The following ZFPM2 variants were observed in gnomAD, a reference collection of about 807,000 sequenced individuals.
ZFPM2 encodes the protein zinc finger protein, FOG family member 2.
Under a neutral mutation model 98.6 loss-of-function variants are expected in ZFPM2, and 20 were observed. The ratio of observed to expected loss-of-function variants is 0.20; its 90% CI spans 0.14 to 0.29. The LOEUF is 0.29. Among genes scored for constraint, ZFPM2 ranks in the 10% least tolerant of loss-of-function variants. The pLI, the probability that ZFPM2 is intolerant of heterozygous loss-of-function variation, is 1.00. For missense variants in ZFPM2, 1,310 were observed against 1,388.6 expected (o/e 0.94, Z 0.90); for synonymous variants, 518 against 502.7 (o/e 1.03, Z -0.41).
intron 5 of ZFPM2, among the ~76,000 whole-genome samples, chr8:105,682,780 C>A (rs1157269011): frequency 6.6e-6 from 1 of 152,046 alleles, no homozygotes; most frequent in East Asian, 1.9e-4. Flanking sequence ...AGCATCTAGC[C>A]AGTCTCCATC....
intron 1 of ZFPM2, among the ~76,000 whole-genome samples, chr8:105,370,673 C>A (rs1810603545): frequency 6.6e-6 from 1 of 152,306 alleles, no homozygotes; most frequent in East Asian, 1.9e-4. Flanking sequence ...CACAGCTCCT[C>A]TTTTGATAAA....
At chr8:105,610,689 G>A (rs1253251851) in intron 4 of ZFPM2, among the ~76,000 whole-genome samples, 3 of 152,058 alleles carry the variant, frequency 2.0e-5, no homozygotes, top group African/African-American at 7.2e-5. Context: ...ATTTTCAGAA[G>A]TGTCCAAAAG....
chr8:105,377,581 G>T (rs1810752461), intron 1 of ZFPM2, among the ~76,000 whole-genome samples: 1 of 91,812 alleles, frequency 1.1e-5, no homozygotes, highest in Admixed American at 1.7e-4. Flanking sequence ...GGCCAACATA[G>T]CAAAACCCCG....
At chr8:105,779,155 T>G (rs1316889154) in intron 5 of ZFPM2, among the ~76,000 whole-genome samples, 1 of 152,176 alleles carries the variant, frequency 6.6e-6, no homozygotes, top group Non-Finnish European at 1.5e-5. Flanking sequence ...TGCGGTTTGT[T>G]TGCTTGTTTG....
chr8:105,747,803 C>T (rs1812382269), intron 5 of ZFPM2, among the ~76,000 whole-genome samples: 1 of 152,052 alleles, frequency 6.6e-6, no homozygotes, highest in African/African-American at 2.4e-5. Flanking sequence ...ATCCTTAAAC[C>T]TCTCACATGA....
At chr8:105,413,547 A>G (rs11989056) in intron 1 of ZFPM2, among the ~76,000 whole-genome samples, 49,931 of 148,860 alleles carry the variant, frequency 0.34, 10,380 homozygotes, top group African/African-American at 0.59. Flanking sequence ...TCGTGTTTAA[A>G]TATATATGTA....
chr8:105,534,286 CCCT>C (rs1342329809), intron 3 of ZFPM2, among the ~76,000 whole-genome samples: 5 of 93,490 alleles, frequency 5.3e-5, no homozygotes, highest in African/African-American at 2.3e-4. Context: ...TTCCCTCCCT[CCCT>C]CCTTTCTTCC....
chr8:105,416,450 T>C (rs1425566372), intron 1 of ZFPM2, among the ~76,000 whole-genome samples: 1 of 151,682 alleles, frequency 6.6e-6, no homozygotes, highest in Non-Finnish European at 1.5e-5. Context: ...AATTAAACAT[T>C]GTATAATATG....
Position 105,804,187 on chromosome 8 carries a change from A to G in ZFPM2, c.*649A>G, listed in dbSNP as rs953931240. On this transcript the variant is annotated 3_prime_UTR_variant, in exon 8 of 8. Transcript: ENST00000407775. ...ATGAAGATGGCAATTTTTTTCTTGT[A>G]TAGTACTTGTATTTTCTTTCGCTGA... is the stretch of plus-strand genomic sequence containing the variant. The G allele has an allele frequency of 6.6e-6, 1 of 152,504 alleles. No homozygotes were observed. The highest frequency in any genetic ancestry group is 6.6e-5 in the Admixed American group (1 of 15,262). The allele number at this position is 152,504 out of a possible 1,614,324, so 9.4% of individuals were successfully genotyped here. A position where few individuals can be genotyped will look rare whatever the true frequency, so the allele number is the denominator to read the frequency against.
At chr8:105,578,564 A>AATTC (rs1208561549) in intron 4 of ZFPM2, among the ~76,000 whole-genome samples, 1 of 152,118 alleles carries the variant, frequency 6.6e-6, no homozygotes, top group African/African-American at 2.4e-5. Context: ...AAATCTACAT[A>AATTC]ATTCATGTTG....
chr8:105,379,753 C>CAA (rs5893740), intron 1 of ZFPM2, among the ~76,000 whole-genome samples: 11 of 125,696 alleles, frequency 8.8e-5, no homozygotes, highest in South Asian at 5.1e-4. Context: ...AACTCTGTCT[C>CAA]AAAAAAAAAA....
chr8:105,731,406 A>G (rs890159783), intron 5 of ZFPM2, among the ~76,000 whole-genome samples: 2 of 151,776 alleles, frequency 1.3e-5, no homozygotes, highest in South Asian at 2.1e-4. Flanking sequence ...GAAGCATGCT[A>G]TAATATCTGT....
intron 1 of ZFPM2, among the ~76,000 whole-genome samples, chr8:105,357,856 G>A (rs1179354827): frequency 2.6e-5 from 4 of 152,054 alleles, no homozygotes; most frequent in African/African-American, 9.7e-5. Context: ...CCTGTTACTG[G>A]GTTCATCAGA....
rs138003714 is a variant in ZFPM2 at position 105,422,361 on chromosome 8, C to G, written c.199+3059C>G. ...CTGAGGCAGACAGAATTGCTTGAAC[C>G]CGGGAGGTGGTGGAGGTTACAGACA... On this transcript the variant is annotated intron_variant, in intron 2 of 7. Coordinates refer to ENST00000407775, the MANE Select transcript of ZFPM2 (RefSeq NM_012082.4). Among the ~76,000 whole-genome samples, 29 of 152,134 alleles carry G rather than the reference C, an allele frequency of 1.9e-4. No homozygotes were observed. In the East Asian group the frequency reaches 5.4e-3, roughly 28 times the overall value.
intron 5 of ZFPM2, among the ~76,000 whole-genome samples, chr8:105,705,788 A>C (rs1255272813): frequency 6.6e-6 from 1 of 152,180 alleles, no homozygotes; most frequent in South Asian, 2.1e-4. Flanking sequence ...GTGAAGGAAT[A>C]GAAGAAGCGT....
intron 4 of ZFPM2, among the ~76,000 whole-genome samples, chr8:105,564,393 AAATAT>A (rs1273980190): frequency 6.6e-6 from 1 of 152,042 alleles, no homozygotes; most frequent in Non-Finnish European, 1.5e-5. Flanking sequence ...TGCCTCACTA[AAATAT>A]ATTTTCAAAT....
intron 5 of ZFPM2, among the ~76,000 whole-genome samples, chr8:105,664,437 C>T (rs1254773900): frequency 5.9e-5 from 9 of 151,750 alleles, no homozygotes; most frequent in Non-Finnish European, 7.4e-5. Flanking sequence ...CGGGTTCAAG[C>T]GATTCTCCTG....
At chr8:105,332,933 ACTTT>A (rs957348834) in intron 1 of ZFPM2, among the ~76,000 whole-genome samples, 2 of 151,728 alleles carry the variant, frequency 1.3e-5, no homozygotes, top group African/African-American at 4.8e-5. Context: ...TTGGGGCCAA[ACTTT>A]TAAAGGGCTT....
intron 5 of ZFPM2, among the ~76,000 whole-genome samples, chr8:105,720,694 T>C (rs1417819354): frequency 1.3e-5 from 2 of 151,888 alleles, no homozygotes; most frequent in Non-Finnish European, 2.9e-5. Context: ...CAAATAAGCA[T>C]GTAAATTCAG....
Sources: gnomAD v4.1 joint callset for allele counts (sites outside exome capture counted in the v4.1 genomes callset) on GRCh38, gnomAD v4.1.1 for gene constraint, MANE v1.5 for transcripts, NCBI Gene and HGNC (gene_info 2026-07-23, HGNC 2026-07-21) for gene names.